RUBCN: variants seen among roughly 807,000 people sequenced by gnomAD.
RUBCN encodes the protein run domain Beclin-1-interacting and cysteine-rich domain-containing protein.
Under a neutral mutation model 113.2 loss-of-function variants are expected in RUBCN, and 74 were observed. That is an observed-to-expected ratio of 0.65 (90% CI 0.54 to 0.79). The LOEUF (loss-of-function observed/expected upper bound fraction) is 0.79, where lower values mean the gene tolerates loss of function less well. Among genes scored for constraint, RUBCN ranks in the 30% least tolerant of loss-of-function variants. The probability of loss-of-function intolerance (pLI) is 0.00; values close to 1 mark genes in which losing one functional copy is unlikely to be tolerated. For missense variants in RUBCN, 1,109 were observed against 1,251.7 expected (o/e 0.89, Z 1.72); for synonymous variants, 480 against 490.0 (o/e 0.98, Z 0.27).
At chr3:197,719,392 C>T (rs533134105) in intron 1 of RUBCN, among the ~76,000 whole-genome samples, 3 of 149,768 alleles carry the variant, frequency 2.0e-5, no homozygotes, top group African/African-American at 4.9e-5. Flanking sequence ...ACAGGAGAAT[C>T]GCTTGAACCT....
At position 197,683,452 on chromosome 3, in the gene RUBCN, G is replaced by A. The variant is rs961224097; in HGVS notation, c.1848-13C>T. The A allele has an allele frequency of 6.2e-7, 1 of 1,613,674 alleles. No individual in the cohort carries two copies. Among genetic ancestry groups the A allele is most frequent in the Non-Finnish European group, 8.5e-7 (1 of 1,179,984 alleles). ...GAAGCAGTGGGAGCTGGAAAGGGGAGAATCAAGGACGGCTGAACACAGGGA... is the reference window on the plus strand; with the variant it reads ...GAAGCAGTGGGAGCTGGAAAGGGGAAAATCAAGGACGGCTGAACACAGGGA... On this transcript the variant is annotated splice_polypyrimidine_tract_variant and intron_variant, in intron 12 of 19. Transcript: ENST00000296343. This position sits in a 1 kb window ranked among gnomAD's most constrained non-coding sequence, Gnocchi z 4.6.
intron 1 of RUBCN, 107 bp downstream of exon 1, chr3:197,736,548 A>C: frequency 2.8e-6 from 3 of 1,082,218 alleles, no homozygotes; most frequent in Non-Finnish European, 4.0e-6. Flanking sequence ...CGTCGTCCTC[A>C]AGACTCGTCG....
intron 2 of RUBCN, among the ~76,000 whole-genome samples, chr3:197,706,060 TTC>T (rs1285931142): frequency 6.6e-6 from 1 of 152,214 alleles, no homozygotes; most frequent in Non-Finnish European, 1.5e-5. Context: ...CTCTCTACCG[TTC>T]TGTTTTCTAA....
At chr3:197,699,891 T>C (rs1323621693) in intron 7 of RUBCN, among the ~76,000 whole-genome samples, 1 of 152,132 alleles carries the variant, frequency 6.6e-6, no homozygotes, top group Non-Finnish European at 1.5e-5. Context: ...AGCACAAAGC[T>C]CCATGCTATA....
In RUBCN at chr3:197,682,450, C is replaced by A. The variant is rs764097035; in HGVS notation, c.2126+20G>T. The stretch of plus-strand genomic sequence containing the variant: ...GAGGACGGATCTGTGCTCCAAAGGG[C>A]ACAGACACTGGCCACTCACGTTGGG... On this transcript the variant is annotated intron_variant, in intron 14 of 19. Coordinates refer to ENST00000296343, the MANE Select transcript of RUBCN (RefSeq NM_014687.4). 1 of 1,614,064 alleles carries A rather than the reference C, an allele frequency of 6.2e-7. No homozygotes were observed. Among genetic ancestry groups the A allele is most frequent in the Non-Finnish European group, 8.5e-7 (1 of 1,179,974 alleles).
Position 197,705,151 on chromosome 3 carries a change from A to T in RUBCN, c.244T>A (p.Trp82Arg). The change falls in exon 3 of 20, where the codon TGG (tryptophan) becomes AGG (arginine). Residue 82 changes from tryptophan (W) to arginine (R), a missense_variant. Physicochemically the swap from Trp to Arg is moderately radical, Grantham distance 101 (BLOSUM62 -3). Around this residue, in one of 3 missense-constraint regions of RUBCN, gnomAD observed 736 missense variants for 779.6 expected, o/e 0.94. Transcript: ENST00000296343. Reference sequence around the variant, plus strand: ...CACCGGATGTCTTTCACGAACTGCCAGTAATCCGTCTGGCGGCGGCACGCC... The same window carrying T: ...CACCGGATGTCTTTCACGAACTGCCTGTAATCCGTCTGGCGGCGGCACGCC... ...DQACRRQTDY[W>R]QFVKDIRWLS... 1 of 1,614,204 alleles carries T rather than the reference A, an allele frequency of 6.2e-7. No homozygotes were observed. Among genetic ancestry groups the T allele is most frequent in the Non-Finnish European group, 8.5e-7 (1 of 1,180,020 alleles).
At chr3:197,689,809 C>G (rs1202903419) in intron 11 of RUBCN, among the ~76,000 whole-genome samples, 1 of 152,204 alleles carries the variant, frequency 6.6e-6, no homozygotes. Context: ...TATCATTTCT[C>G]TGTGTTGGGA....
At position 197,717,312 on chromosome 3, in the gene RUBCN, C is replaced by T. The variant is rs560529840; in HGVS notation, c.219+665G>A. Among the ~76,000 whole-genome samples the T allele has an allele frequency of 3.3e-5, 5 of 152,002 alleles. 1 individual carries two copies. In the South Asian group the frequency reaches 8.3e-4, roughly 25 times the overall value. ...AGAAAAAATTAGCCGGGCCTGGTGG[C>T]GGGCGCCTGTAGTCCCAGCTACTCG... On this transcript the variant is annotated intron_variant, in intron 2 of 19. Coordinates refer to ENST00000296343, the MANE Select transcript of RUBCN (RefSeq NM_014687.4).
In RUBCN at chr3:197,705,114, T is replaced by A; in HGVS notation, c.281A>T (p.His94Leu). The A allele has an allele frequency of 6.2e-7, 1 of 1,614,060 alleles. No homozygotes were observed. Among genetic ancestry groups the A allele is most frequent in the South Asian group, 1.1e-5 (1 of 91,024 alleles). ...FVKDIRWLSP[H>L]SALHVEKFIS... ...TACCTTCTCCACGTGAAGGGCTGAG[T>A]GGGGACTGAGCCACCGGATGTCTTT... is the stretch of plus-strand genomic sequence containing the variant. The change falls in exon 3 of 20, where the codon CAC (histidine) becomes CTC (leucine). Residue 94 changes from histidine to leucine, a missense_variant. Physicochemically the swap from His to Leu is moderately conservative, Grantham distance 99. Transcript: ENST00000296343.
chr3:197,681,100 CT>C lies in RUBCN; in HGVS notation c.2430+28del. The C allele has an allele frequency of 6.8e-7, 1 of 1,476,260 alleles. No homozygotes were observed. Among genetic ancestry groups the C allele is most frequent in the Non-Finnish European group, 9.5e-7 (1 of 1,056,682 alleles). The allele number at this position is 1,476,260 out of a possible 1,614,324, so 91.4% of individuals were successfully genotyped here. On this transcript the variant is annotated intron_variant, in intron 16 of 19. Coordinates refer to ENST00000296343, the MANE Select transcript of RUBCN (RefSeq NM_014687.4). The surrounding 1 kb of genome is among the most constrained non-coding windows in gnomAD (Gnocchi z 5.5). ...GGATGAGGGGAGGAGAAGGGCAAGA[CT>C]CTAAGGTGGCCTTTTCCAAGGTCTT...
intron 11 of RUBCN, among the ~76,000 whole-genome samples, chr3:197,688,931 C>T (rs1003720183): frequency 6.6e-6 from 1 of 151,920 alleles, no homozygotes; most frequent in African/African-American, 2.4e-5. Context: ...ACTACTGGGG[C>T]GATGACAATG....
At chr3:197,710,991 A>T (rs1432890087) in intron 2 of RUBCN, among the ~76,000 whole-genome samples, 2 of 152,144 alleles carry the variant, frequency 1.3e-5, no homozygotes, top group East Asian at 3.9e-4. Context: ...AAGCCCAGCT[A>T]ATTTTTGTAT....
rs1296503062 is a variant in RUBCN at position 197,675,187 on chromosome 3, G to A, written c.2750C>T (p.Ala917Val). 6.8e-6 allele frequency: 11 copies of A among 1,614,072 alleles called. No individual in the cohort carries two copies. The highest frequency in any genetic ancestry group is 1.7e-5 in the Admixed American group (1 of 60,034). The change falls in exon 20 of 20, where the codon GCG becomes GTG. Residue 917 changes from alanine (A) to valine (V), a missense_variant. Physicochemically the swap from Ala to Val is moderately conservative, Grantham distance 64. Coordinates refer to ENST00000296343, the MANE Select transcript of RUBCN (RefSeq NM_014687.4). This position sits in a 1 kb window ranked among gnomAD's most constrained non-coding sequence, Gnocchi z 4.4. ...HKCRTCEECK[A>V]CYHKACFKSG... Reference sequence around the variant, plus strand: ...CTTGAAGCAGGCTTTATGGTAACACGCTTTACACTCTACTCAGGTTGGGAA... The same window carrying A: ...CTTGAAGCAGGCTTTATGGTAACACACTTTACACTCTACTCAGGTTGGGAA...
upstream of RUBCN, among the ~76,000 whole-genome samples, chr3:197,740,777 C>T (rs11715930): frequency 0.066 from 9,961 of 151,842 alleles, 455 homozygotes; most frequent in Non-Finnish European, 0.093. Flanking sequence ...CCCAACACCA[C>T]GCCCAGTTAG....
chr3:197,676,207 C>T (rs1301126154), intron 18 of RUBCN: 2 of 989,750 alleles, frequency 2.0e-6, no homozygotes, highest in South Asian at 4.6e-5. Context: ...CCAAGAAAAT[C>T]GAGGCCTCAG....
upstream of RUBCN, among the ~76,000 whole-genome samples, chr3:197,739,112 G>A (rs1728392565): frequency 6.6e-6 from 1 of 151,246 alleles, no homozygotes; most frequent in African/African-American, 2.4e-5. Context: ...GGCTAATTTT[G>A]TATTTTTTAG....
At chr3:197,733,985 G>C (rs1332901351) in intron 1 of RUBCN, among the ~76,000 whole-genome samples, 1 of 152,164 alleles carries the variant, frequency 6.6e-6, no homozygotes, top group Non-Finnish European at 1.5e-5. Context: ...GCCGGGCACG[G>C]TGGTTCACGC....
At chr3:197,747,224 T>TG (rs1728783966) in intron 1 of RUBCN, among the ~76,000 whole-genome samples, 1 of 152,150 alleles carries the variant, frequency 6.6e-6, no homozygotes, top group African/African-American at 2.4e-5. Flanking sequence ...CTCTGGAATC[T>TG]GGGGATGGCT....
intron 1 of RUBCN, among the ~76,000 whole-genome samples, chr3:197,719,594 T>C (rs1003139511): frequency 2.6e-5 from 4 of 152,114 alleles, no homozygotes; most frequent in African/African-American, 9.7e-5. Flanking sequence ...CTTAGAAACT[T>C]TGAGCATTCA....
Sources: allele counts gnomAD v4.1 joint callset (sites outside exome capture counted in the v4.1 genomes callset), GRCh38; gene constraint gnomAD v4.1.1; regional missense constraint gnomAD v4.1.1; non-coding constraint Gnocchi (gnomAD v3.1); transcripts MANE v1.5; gene names NCBI Gene and HGNC (gene_info 2026-07-23, HGNC 2026-07-21).